FRAS1: variants seen among roughly 807,000 people sequenced by gnomAD.
FRAS1 encodes the protein Fraser extracellular matrix complex subunit 1.
In FRAS1, 290 loss-of-function variants were observed where a neutral mutation model predicts 435.2. That is an observed-to-expected ratio of 0.67 (90% confidence interval 0.61 to 0.73). The LOEUF is 0.73. Among genes scored for constraint, FRAS1 ranks in the 30% least tolerant of loss-of-function variants. The pLI, the probability that FRAS1 is intolerant of heterozygous loss-of-function variation, is 0.00. For synonymous variants in FRAS1, 1,800 were observed against 1,851.0 expected (o/e 0.97, Z 0.71); for missense variants, 4,860 against 5,001.5 (o/e 0.97, Z 0.85).
intron 61 of FRAS1, among the ~76,000 whole-genome samples, chr4:78,501,206 G>A (rs765460507): frequency 6.6e-6 from 1 of 152,024 alleles, no homozygotes; most frequent in African/African-American, 2.4e-5. Flanking sequence ...TATGAGTGAG[G>A]ACGTGCAATG....
intron 3 of FRAS1, among the ~76,000 whole-genome samples, chr4:78,239,761 C>T (rs1220558581): frequency 6.6e-6 from 1 of 152,070 alleles, no homozygotes; most frequent in African/African-American, 2.4e-5. Flanking sequence ...GGCTCTATGG[C>T]AGAAGTGTGC....
intron 28 of FRAS1, 140 bp from the exon 29 acceptor site, chr4:78,387,235 G>A: frequency 1.7e-6 from 1 of 602,594 alleles, no homozygotes; most frequent in Non-Finnish European, 2.9e-6. Context: ...TGACGAATGT[G>A]TTCACCATAG....
intron 66 of FRAS1, among the ~76,000 whole-genome samples, chr4:78,518,964 G>A (rs752679397): frequency 1.3e-5 from 2 of 152,146 alleles, no homozygotes; most frequent in Non-Finnish European, 2.9e-5. Context: ...TTTGTACTGA[G>A]TGGTAGATCC....
intron 2 of FRAS1, among the ~76,000 whole-genome samples, chr4:78,202,822 A>G (rs192282703): frequency 8.0e-4 from 122 of 152,360 alleles, no homozygotes; most frequent in Admixed American, 2.0e-3. Flanking sequence ...GCACTGCCTC[A>G]GGTAAAGGGG....
intron 38 of FRAS1, among the ~76,000 whole-genome samples, chr4:78,436,279 G>A (rs1057009204): frequency 1.9e-4 from 29 of 152,180 alleles, no homozygotes; most frequent in African/African-American, 6.5e-4. Flanking sequence ...GCCTTCATTA[G>A]TGGTCAGGGA....
Position 78,333,314 on chromosome 4 carries a change from A to T in FRAS1, c.2180A>T (p.His727Leu). The T allele has an allele frequency of 1.2e-6, 2 of 1,611,746 alleles. No individual in the cohort carries two copies. ...SCFRCAGKSP[H>L]NCTDCGPSHV... ...TTCAGATGTGCAGGGAAAAGCCCAC[A>T]TAACTGCACAGACTGTGGGCCTTCC... The change falls in exon 19 of 74, where the codon CAT becomes CTT. Residue 727 changes from histidine (H) to leucine (L), a missense_variant. By Grantham distance (99) the His-to-Leu change is moderately conservative. Transcript: ENST00000512123.
chr4:78,061,705 G>A (rs1223566225), intron 1 of FRAS1, among the ~76,000 whole-genome samples: 17 of 152,100 alleles, frequency 1.1e-4, no homozygotes, highest in Admixed American at 7.2e-4. Context: ...AACTTGGCTG[G>A]AAAAAAGTAA....
At chr4:78,249,597 A>G (rs1725437812) in intron 4 of FRAS1, among the ~76,000 whole-genome samples, 1 of 152,142 alleles carries the variant, frequency 6.6e-6, no homozygotes, top group African/African-American at 2.4e-5. Context: ...TGCTGGGATT[A>G]CAAGCATGAG....
intron 25 of FRAS1, 106 bp from the exon 26 acceptor site, chr4:78,375,633 G>T (rs922970574): frequency 3.3e-6 from 3 of 904,940 alleles, no homozygotes; most frequent in African/African-American, 3.4e-5. Flanking sequence ...TACAGTTGGG[G>T]CTCATTTGTT....
intron 5 of FRAS1, 50 bp downstream of exon 5, chr4:78,252,601 T>G: frequency 6.5e-7 from 1 of 1,532,408 alleles, no homozygotes; most frequent in South Asian, 1.2e-5. Context: ...GAGGTTCACA[T>G]GGCTATCGGG....
At chr4:78,503,810 G>A (rs1289662136) in intron 61 of FRAS1, among the ~76,000 whole-genome samples, 7 of 152,162 alleles carry the variant, frequency 4.6e-5, no homozygotes, top group Non-Finnish European at 1.0e-4. Flanking sequence ...TGATGTTAGG[G>A]TGTCAATTTT....
intron 9 of FRAS1, among the ~76,000 whole-genome samples, chr4:78,272,665 G>A (rs1047570110): frequency 1.3e-5 from 2 of 152,082 alleles, no homozygotes; most frequent in African/African-American, 2.4e-5. Flanking sequence ...TGTTCCATTG[G>A]TCTATATCTC....
chr4:78,282,511 A>C (rs1280091247), intron 11 of FRAS1, among the ~76,000 whole-genome samples: 1 of 152,240 alleles, frequency 6.6e-6, no homozygotes, highest in Admixed American at 6.5e-5. Flanking sequence ...GTTGAGAAAC[A>C]AGTTTTAAAT....
intron 2 of FRAS1, among the ~76,000 whole-genome samples, chr4:78,195,735 G>A (rs35105700): frequency 0.28 from 41,931 of 151,998 alleles, 6,892 homozygotes; most frequent in South Asian, 0.53. Flanking sequence ...ATGAGGCAAT[G>A]CCTCACCCTG....
At position 78,541,023 on chromosome 4, in the gene FRAS1, A is replaced by T; in HGVS notation, c.11938A>T (p.Ser3980Cys). 1.3e-6 allele frequency: 2 copies of T among 1,529,918 alleles called. No individual in the cohort carries two copies. The highest frequency in any genetic ancestry group is 1.8e-6 in the Non-Finnish European group (2 of 1,134,012). 94.8% of individuals were successfully genotyped at this position (1,529,918 alleles called of 1,614,324 possible). Residue 3980 changes from serine to cysteine, a missense_variant, in exon 74 of 74, where the codon AGT (serine) becomes TGT (cysteine). Physicochemically the swap from Ser to Cys is moderately radical, Grantham distance 112 (BLOSUM62 -1). Coordinates refer to ENST00000512123, the MANE Select transcript of FRAS1 (RefSeq NM_025074.7). ...CACTGTGCGGAACGTCAACATCCTG[A>T]GTGAGCCTGAGGCGGCTTACACGTT... ...YCTVRNVNIL[S>C]EPEAAYTFKG...
chr4:78,468,837 G>A (rs1282713066), intron 50 of FRAS1, among the ~76,000 whole-genome samples: 3 of 152,256 alleles, frequency 2.0e-5, no homozygotes, highest in East Asian at 3.9e-4. Flanking sequence ...TATACTTCCA[G>A]TATAACAAAA....
intron 2 of FRAS1, among the ~76,000 whole-genome samples, chr4:78,082,963 C>T (rs1386331709): frequency 1.3e-5 from 2 of 152,086 alleles, no homozygotes; most frequent in Non-Finnish European, 2.9e-5. Context: ...TATACCAGAA[C>T]ATTAGACTGC....
intron 3 of FRAS1, among the ~76,000 whole-genome samples, chr4:78,238,377 A>G (rs1724851193): frequency 1.7e-5 from 1 of 58,258 alleles, no homozygotes. Flanking sequence ...TTTAAATTTG[A>G]ACTTCTGAAA....
intron 29 of FRAS1, among the ~76,000 whole-genome samples, chr4:78,390,911 A>G (rs1732418787): frequency 6.6e-6 from 1 of 152,252 alleles, no homozygotes; most frequent in Non-Finnish European, 1.5e-5. Flanking sequence ...GATATTCAAC[A>G]GAAAACACAA....
Sources: allele counts gnomAD v4.1 joint callset (sites outside exome capture counted in the v4.1 genomes callset), GRCh38; gene constraint gnomAD v4.1.1; transcripts MANE v1.5; gene names NCBI Gene and HGNC (gene_info 2026-07-23, HGNC 2026-07-21).